Variants in RAPGEF5 observed in about 807,000 individuals in gnomAD.
RAPGEF5 encodes Rap guanine nucleotide exchange factor 5.
In RAPGEF5, 65 loss-of-function variants were observed where a neutral mutation model predicts 125.2. The ratio of observed to expected loss-of-function variants is 0.52; its 90% CI spans 0.43 to 0.64. The LOEUF (loss-of-function observed/expected upper bound fraction) is 0.64, where lower values mean the gene tolerates loss of function less well. RAPGEF5 is among the 30% of genes least tolerant of loss of function. RAPGEF5 has a pLI of 0.00. For synonymous variants in RAPGEF5, 391 were observed against 385.9 expected (o/e 1.01, Z -0.16); for missense variants, 958 against 1,048.1 (o/e 0.91, Z 1.19).
At chr7:22,166,035 A>AAT (rs1018854332) in intron 12 of RAPGEF5, among the ~76,000 whole-genome samples, 49 of 147,328 alleles carry the variant, frequency 3.3e-4, no homozygotes, top group African/African-American at 1.2e-3. Context: ...CTATATACCA[A>AAT]ATATATATAT....
At chr7:22,193,574 G>A (rs1214815234) in intron 10 of RAPGEF5, 119 bp from the exon 11 acceptor site, 2 of 1,551,520 alleles carry the variant, frequency 1.3e-6, no homozygotes, top group South Asian at 2.4e-5. Context: ...TCGAAGGTAG[G>A]CAAGGGCAGC....
chr7:22,302,464 C>A (rs2128150712), intron 5 of RAPGEF5, among the ~76,000 whole-genome samples: 1 of 152,308 alleles, frequency 6.6e-6, no homozygotes, highest in Admixed American at 6.5e-5. Flanking sequence ...CATGCTCCAA[C>A]AGCAGATGCC....
chr7:22,271,273 G>C (rs908867664), intron 6 of RAPGEF5, among the ~76,000 whole-genome samples: 3 of 152,110 alleles, frequency 2.0e-5, no homozygotes, highest in Admixed American at 6.6e-5. Flanking sequence ...AAGATTCCTA[G>C]GTGATTCTAT....
At chr7:22,235,735 C>T (rs1786170779) in intron 7 of RAPGEF5, among the ~76,000 whole-genome samples, 1 of 152,058 alleles carries the variant, frequency 6.6e-6, no homozygotes, top group Admixed American at 6.5e-5. Flanking sequence ...AGTGGGGTCA[C>T]AATATTTACT....
chr7:22,147,148 C>T, intron 18 of RAPGEF5, 129 bp from the exon 19 acceptor site: 1 of 1,239,144 alleles, frequency 8.1e-7, no homozygotes, highest in Non-Finnish European at 1.1e-6. Flanking sequence ...TAATATTTTC[C>T]CTGGTCTGTT....
At chr7:22,277,169 T>C (rs77736602) in intron 6 of RAPGEF5, among the ~76,000 whole-genome samples, 2,210 of 152,306 alleles carry the variant, frequency 0.015, 62 homozygotes, top group African/African-American at 0.051. Context: ...TTTAGATTTC[T>C]ATAGAATTCT....
intron 6 of RAPGEF5, among the ~76,000 whole-genome samples, chr7:22,278,110 C>T (rs752590591): frequency 2.6e-5 from 4 of 152,130 alleles, no homozygotes; most frequent in Non-Finnish European, 5.9e-5. Flanking sequence ...CTAGATTACA[C>T]CAAACTCTCT....
At chr7:22,269,328 A>T (rs1003644845) in intron 6 of RAPGEF5, among the ~76,000 whole-genome samples, 2 of 152,054 alleles carry the variant, frequency 1.3e-5, no homozygotes, top group Non-Finnish European at 1.5e-5. Context: ...TTGTTTTTTT[A>T]AATGACCTAG....
At chr7:22,243,715 T>C (rs1009673843) in intron 7 of RAPGEF5, among the ~76,000 whole-genome samples, 6 of 152,248 alleles carry the variant, frequency 3.9e-5, no homozygotes, top group African/African-American at 9.6e-5. Context: ...TATGTATACA[T>C]TGTCAAGTGA....
At chr7:22,217,260 G>A (rs945721710) in intron 9 of RAPGEF5, among the ~76,000 whole-genome samples, 7 of 152,294 alleles carry the variant, frequency 4.6e-5, no homozygotes, top group Non-Finnish European at 8.8e-5. Flanking sequence ...ACAAGAAGAG[G>A]AAACTGCAGA....
intron 1 of RAPGEF5, among the ~76,000 whole-genome samples, chr7:22,348,410 G>A (rs1457944642): frequency 6.6e-6 from 1 of 152,168 alleles, no homozygotes; most frequent in Non-Finnish European, 1.5e-5. Context: ...ATCTCAAGTT[G>A]CTTAAATATC....
intron 6 of RAPGEF5, among the ~76,000 whole-genome samples, chr7:22,286,007 T>C (rs745680138): frequency 6.6e-6 from 1 of 152,246 alleles, no homozygotes; most frequent in Non-Finnish European, 1.5e-5. Flanking sequence ...CCCAGTTACA[T>C]GATCCAAGAG....
At chr7:22,182,708 T>C (rs2128122095) in intron 11 of RAPGEF5, among the ~76,000 whole-genome samples, 1 of 152,330 alleles carries the variant, frequency 6.6e-6, no homozygotes, top group East Asian at 1.9e-4. Flanking sequence ...GTAGAAATTA[T>C]TTTTCCAAAG....
intron 15 of RAPGEF5, 145 bp downstream of exon 15, chr7:22,157,710 G>A (rs28656168): frequency 0.026 from 21,504 of 837,536 alleles, 383 homozygotes; most frequent in Middle Eastern, 0.058. Context: ...GCAGGAAAGC[G>A]CAGGGAAGCT....
chr7:22,198,753 G>A (rs908645541), intron 9 of RAPGEF5, among the ~76,000 whole-genome samples: 2 of 152,164 alleles, frequency 1.3e-5, no homozygotes, highest in African/African-American at 4.8e-5. Context: ...CATACAGCAG[G>A]CAAAGCTAAG....
chr7:22,243,365 T>C (rs1786390044), intron 7 of RAPGEF5, among the ~76,000 whole-genome samples: 1 of 152,180 alleles, frequency 6.6e-6, no homozygotes, highest in South Asian at 2.1e-4. Context: ...CAAGTGATTG[T>C]CCCAAATCAG....
intron 5 of RAPGEF5, among the ~76,000 whole-genome samples, chr7:22,305,246 T>TATAAAATAATATAAA (rs1783309395): frequency 6.6e-6 from 1 of 152,230 alleles, no homozygotes; most frequent in Admixed American, 6.5e-5. Context: ...AGTAAAATAA[T>TATAAAATAATATAAA]GAATATAAAG....
intron 11 of RAPGEF5, among the ~76,000 whole-genome samples, chr7:22,184,733 C>A (rs538197082): frequency 6.6e-6 from 1 of 152,186 alleles, no homozygotes; most frequent in Non-Finnish European, 1.5e-5. Flanking sequence ...TATTAATTAA[C>A]CCACAATCTA....
chr7:22,122,517 G>C lies in RAPGEF5; in HGVS notation c.2541C>G (p.Asp847Glu). 2 of 1,609,548 alleles carry C rather than the reference G, an allele frequency of 1.2e-6. No individual in the cohort carries two copies. Among genetic ancestry groups the C allele is most frequent in the Non-Finnish European group, 8.5e-7 (1 of 1,176,200 alleles). Residue 847 changes from aspartate (D) to glutamate (E), a missense_variant, in exon 26 of 26, where the codon GAC (aspartate) becomes GAG (glutamate). Asp to Glu is a conservative substitution (Grantham distance 45). Transcript: ENST00000665637. ...ACTCTTGATGCTCTTTTGGAGACAG[G>C]TCACCTGTTGTTTAGAGGGGGAAAA... The part of the protein sequence containing the change: ...LRHCRTNQFG[D>E]LSPKEHQELK...
Sources: allele counts gnomAD v4.1 joint callset (sites outside exome capture counted in the v4.1 genomes callset), GRCh38; gene constraint gnomAD v4.1.1; transcripts MANE v1.5; gene names NCBI Gene and HGNC (gene_info 2026-07-23, HGNC 2026-07-21).